FSTL5: variants seen among roughly 807,000 people sequenced by gnomAD.
FSTL5 encodes the protein follistatin-related protein 5.
FSTL5 carries 62 observed loss-of-function variants against 89.1 expected under a neutral mutation model. That is an observed-to-expected ratio of 0.70 (90% CI 0.57 to 0.86). The LOEUF (loss-of-function observed/expected upper bound fraction) is 0.86, where lower values mean the gene tolerates loss of function less well. FSTL5 is among the 40% of genes least tolerant of loss of function. The pLI is 0.00. For missense variants in FSTL5, 1,057 were observed against 1,001.6 expected, an observed-to-expected ratio of 1.06 and a Z score of -0.75; for synonymous variants, 383 against 346.2, an observed-to-expected ratio of 1.11 and a Z score of -1.18.
chr4:161,615,291 CTCAAAAAA>C (rs1560980120), intron 7 of FSTL5, among the ~76,000 whole-genome samples: 6 of 58,504 alleles, frequency 1.0e-4, no homozygotes, highest in Non-Finnish European at 1.3e-4. Context: ...GAGACTCTGT[CTCAAAAAA>C]AAAAAAAAAA....
chr4:161,818,436 A>G (rs1730395098), intron 4 of FSTL5, among the ~76,000 whole-genome samples: 1 of 152,208 alleles, frequency 6.6e-6, no homozygotes, highest in South Asian at 2.1e-4. Context: ...AGAGGTTCTA[A>G]TTCAGCTGGT....
intron 6 of FSTL5, among the ~76,000 whole-genome samples, chr4:161,694,096 C>G (rs202211685): frequency 3.7e-5 from 3 of 80,402 alleles, no homozygotes; most frequent in Non-Finnish European, 7.9e-5. Context: ...TATCTGTTCT[C>G]TCTATTGCTT....
intron 15 of FSTL5, among the ~76,000 whole-genome samples, chr4:161,421,963 T>A (rs1274189536): frequency 6.6e-6 from 1 of 152,190 alleles, no homozygotes; most frequent in African/African-American, 2.4e-5. Flanking sequence ...TCAGCCTTCA[T>A]AATTGCATGA....
At chr4:161,436,100 A>G (rs189275376) in intron 15 of FSTL5, among the ~76,000 whole-genome samples, 7,215 of 152,096 alleles carry the variant, frequency 0.047, 428 homozygotes, top group East Asian at 0.19. Context: ...CAAGCAAAAG[A>G]TACTTATCCT....
intron 1 of FSTL5, among the ~76,000 whole-genome samples, chr4:162,137,210 T>A (rs1164328693): frequency 6.6e-6 from 1 of 152,116 alleles, no homozygotes; most frequent in East Asian, 1.9e-4. Flanking sequence ...ACAAAATAAA[T>A]ACTTTTAATA....
intron 6 of FSTL5, among the ~76,000 whole-genome samples, chr4:161,727,643 C>T (rs970590341): frequency 1.1e-4 from 17 of 152,230 alleles, no homozygotes; most frequent in Middle Eastern, 3.4e-3. Flanking sequence ...AATTTGGTGC[C>T]ATTTTTTCCT....
intron 15 of FSTL5, among the ~76,000 whole-genome samples, chr4:161,445,751 T>C (rs1388970651): frequency 3.3e-5 from 5 of 152,016 alleles, no homozygotes; most frequent in Non-Finnish European, 7.4e-5. Flanking sequence ...TGGATTTCCT[T>C]GTTATGGTTC....
At chr4:162,030,431 G>A (rs1297177171) in intron 3 of FSTL5, among the ~76,000 whole-genome samples, 1 of 152,130 alleles carries the variant, frequency 6.6e-6, no homozygotes, top group Non-Finnish European at 1.5e-5. Flanking sequence ...AGAGGTCAGT[G>A]TCTCTTAATT....
intron 14 of FSTL5, among the ~76,000 whole-genome samples, chr4:161,458,818 C>A (rs1297390860): frequency 6.6e-6 from 1 of 152,184 alleles, no homozygotes; most frequent in Non-Finnish European, 1.5e-5. Flanking sequence ...TAAGCCTCTC[C>A]TCAGATAACA....
At chr4:161,781,814 A>G (rs1741680228) in intron 4 of FSTL5, among the ~76,000 whole-genome samples, 1 of 152,182 alleles carries the variant, frequency 6.6e-6, no homozygotes, top group African/African-American at 2.4e-5. Context: ...GGTTCTGACA[A>G]TTGTATAATG....
intron 15 of FSTL5, among the ~76,000 whole-genome samples, chr4:161,389,783 G>T (rs74674541): frequency 0.011 from 1,732 of 152,156 alleles, 40 homozygotes; most frequent in African/African-American, 0.04. Context: ...AATAGAAACT[G>T]CCAGTCCTTT....
At chr4:161,950,366 T>G (rs140220755) in intron 3 of FSTL5, among the ~76,000 whole-genome samples, 1 of 152,302 alleles carries the variant, frequency 6.6e-6, no homozygotes, top group African/African-American at 2.4e-5. Context: ...TTTCTTTTTC[T>G]GTTCTGCTGT....
intron 13 of FSTL5, among the ~76,000 whole-genome samples, chr4:161,467,348 C>T (rs1226597478): frequency 4.6e-5 from 7 of 152,036 alleles, no homozygotes; most frequent in Non-Finnish European, 8.8e-5. Flanking sequence ...AGTAAAACAT[C>T]ATTTGGATAC....
chr4:161,515,532 A>G (rs1005073207), intron 10 of FSTL5, among the ~76,000 whole-genome samples: 35 of 151,564 alleles, frequency 2.3e-4, no homozygotes, highest in East Asian at 1.9e-4. Flanking sequence ...TCTGATTTTC[A>G]TATAAATGCC....
At chr4:161,732,317 T>G (rs893446116) in intron 6 of FSTL5, among the ~76,000 whole-genome samples, 4 of 152,044 alleles carry the variant, frequency 2.6e-5, no homozygotes, top group African/African-American at 9.7e-5. Flanking sequence ...AATTTTAATT[T>G]TTTTGCTCAT....
chr4:161,769,671 A>G (rs962818330), intron 5 of FSTL5, among the ~76,000 whole-genome samples: 2 of 151,938 alleles, frequency 1.3e-5, no homozygotes, highest in Admixed American at 6.6e-5. Flanking sequence ...AACTGGGGAT[A>G]GAAGAAATAT....
chr4:161,800,206 G>T (rs1729751401), intron 4 of FSTL5, among the ~76,000 whole-genome samples: 1 of 151,632 alleles, frequency 6.6e-6, no homozygotes, highest in Non-Finnish European at 1.5e-5. Context: ...TAAGTGGCTA[G>T]AAAGAAGTTA....
chr4:162,013,176 C>T (rs1023356347), intron 3 of FSTL5, among the ~76,000 whole-genome samples: 8 of 148,578 alleles, frequency 5.4e-5, no homozygotes, highest in East Asian at 2.0e-4. Flanking sequence ...CACTGAAAGA[C>T]TCTGTCTTAA....
At chr4:161,663,660 T>C (rs935186060) in intron 6 of FSTL5, among the ~76,000 whole-genome samples, 1 of 152,126 alleles carries the variant, frequency 6.6e-6, no homozygotes, top group Non-Finnish European at 1.5e-5. Context: ...TGTTGCAAGC[T>C]GTCAGTGGAG....
Sources: allele counts gnomAD v4.1 joint callset (sites outside exome capture counted in the v4.1 genomes callset), GRCh38; gene constraint gnomAD v4.1.1; transcripts MANE v1.5; gene names NCBI Gene and HGNC (gene_info 2026-07-23, HGNC 2026-07-21).